BCAS3: variants seen among roughly 807,000 people sequenced by gnomAD.
BCAS3 encodes the protein BCAS3 microtubule associated cell migration factor, also known as BCAS4/BCAS3 fusion.
Under a neutral mutation model 116.1 loss-of-function variants are expected in BCAS3, and 53 were observed. The observed-to-expected ratio is 0.46, with a 90% CI of 0.37 to 0.57. The LOEUF is 0.57. BCAS3 is among the 20% of genes least tolerant of loss of function. The probability of loss-of-function intolerance (pLI) is 0.00; values close to 1 mark genes in which losing one functional copy is unlikely to be tolerated. For missense variants in BCAS3, 917 were observed against 1,165.4 expected, an observed-to-expected ratio of 0.79 and a Z score of 3.10; for synonymous variants, 391 against 408.2, an observed-to-expected ratio of 0.96 and a Z score of 0.51.
intron 23 of BCAS3, among the ~76,000 whole-genome samples, chr17:61,373,179 C>CT (rs1568965642): frequency 6.6e-6 from 1 of 151,626 alleles, no homozygotes; most frequent in Non-Finnish European, 1.5e-5. Context: ...CAACCTCCGT[C>CT]TCTGGGTTCA....
chr17:60,974,019 A>G (rs2062140941), intron 14 of BCAS3, among the ~76,000 whole-genome samples: 1 of 152,186 alleles, frequency 6.6e-6, no homozygotes, highest in Admixed American at 6.5e-5. Context: ...TATTCTAAAA[A>G]TGCATATTTC....
chr17:60,955,029 G>A (rs1340751513), intron 14 of BCAS3, among the ~76,000 whole-genome samples: 2 of 151,528 alleles, frequency 1.3e-5, no homozygotes, highest in East Asian at 1.9e-4. Context: ...CTCATTTTAC[G>A]CCCCATTATA....
intron 19 of BCAS3, among the ~76,000 whole-genome samples, chr17:61,045,823 T>TTCTCTCTCTCTCTCTCTCTCTC (rs1182475386): frequency 0.011 from 395 of 34,606 alleles, 13 homozygotes; most frequent in Non-Finnish European, 0.013. Flanking sequence ...TCATCTCTCT[T>TTCTCTCTCTCTCTCTCTCTCTC]TCTCTCTCTC....
intron 22 of BCAS3, among the ~76,000 whole-genome samples, chr17:61,170,144 G>A (rs995431460): frequency 1.3e-5 from 2 of 151,990 alleles, no homozygotes; most frequent in Non-Finnish European, 2.9e-5. Context: ...GTGAGTCACC[G>A]CGCCCGGCTA....
rs1185735308 is a variant in BCAS3 at position 60,932,641 on chromosome 17, C to T, written c.1087+8141C>T. Among the ~76,000 whole-genome samples the T allele has an allele frequency of 8.2e-5, 12 of 147,084 alleles. No individual in the cohort carries two copies. In the East Asian group the frequency reaches 2.5e-3, roughly 30 times the overall value. On this transcript the variant is annotated intron_variant, in intron 13 of 23. Coordinates refer to ENST00000407086, the MANE Select transcript of BCAS3 (RefSeq NM_017679.5). ...CCTGTAGTCTCAGCTGCTTGGGAGA[C>T]TGAGGCAGAAGAATGGCATGAACTT... is the stretch of plus-strand genomic sequence containing the variant.
intron 22 of BCAS3, among the ~76,000 whole-genome samples, chr17:61,183,187 A>G (rs2079576299): frequency 1.3e-5 from 2 of 152,148 alleles, no homozygotes; most frequent in South Asian, 4.1e-4. Context: ...AAAAATCTAT[A>G]GTTTCTTGCT....
chr17:61,157,795 C>T (rs767563418), intron 22 of BCAS3, among the ~76,000 whole-genome samples: 1 of 152,180 alleles, frequency 6.6e-6, no homozygotes, highest in Non-Finnish European at 1.5e-5. Context: ...ACTGTTTCTC[C>T]TAAACAACTC....
chr17:60,683,201 G>A (rs2033441868), intron 2 of BCAS3, among the ~76,000 whole-genome samples: 2 of 152,144 alleles, frequency 1.3e-5, no homozygotes, highest in South Asian at 4.1e-4. Context: ...ATACAGGTAA[G>A]GGACTAGGTT....
At chr17:61,280,921 C>T (rs569916403) in intron 22 of BCAS3, among the ~76,000 whole-genome samples, 2 of 152,254 alleles carry the variant, frequency 1.3e-5, no homozygotes, top group Middle Eastern at 3.4e-3. Flanking sequence ...GCTGTATTCC[C>T]GCAGTATCTA....
At position 61,122,925 on chromosome 17, in the gene BCAS3, C is replaced by G. The variant is rs1367980685; in HGVS notation, c.2425+38361C>G. 6.6e-6 allele frequency among the ~76,000 whole-genome samples: 1 copy of G among 151,808 alleles called. No individual in the cohort carries two copies. Among genetic ancestry groups the G allele is most frequent in the Non-Finnish European group, 1.5e-5 (1 of 67,946 alleles). Reference sequence around the variant, plus strand: ...CAAGAGATAAAGACTGTGAAAGATTCCACATTATGGGTAAGTCTTTTTTTT... The same window carrying G: ...CAAGAGATAAAGACTGTGAAAGATTGCACATTATGGGTAAGTCTTTTTTTT... On this transcript the variant is annotated intron_variant, in intron 22 of 23. Transcript: ENST00000407086. The surrounding 1 kb of genome is among the most constrained non-coding windows in gnomAD (Gnocchi z 4.6).
intron 5 of BCAS3, among the ~76,000 whole-genome samples, chr17:60,715,929 C>A (rs1394272825): frequency 6.6e-6 from 1 of 151,098 alleles, no homozygotes; most frequent in Non-Finnish European, 1.5e-5. Context: ...GTGGTGTGAT[C>A]TCGGCTCACT....
intron 6 of BCAS3, among the ~76,000 whole-genome samples, chr17:60,769,678 C>G (rs1034964261): frequency 6.6e-6 from 1 of 152,168 alleles, no homozygotes; most frequent in African/African-American, 2.4e-5. Flanking sequence ...TGGGATTTGT[C>G]CTTGGCGTGT....
intron 6 of BCAS3, among the ~76,000 whole-genome samples, chr17:60,752,155 GGTGTGTGTGTGTGTGT>G (rs55713453): frequency 1.4e-5 from 2 of 144,760 alleles, no homozygotes; most frequent in Non-Finnish European, 3.1e-5. Context: ...TTGGCTGAAG[GGTGTGTGTGTGTGTGT>G]GTGTGTGTGT....
At chr17:61,263,048 A>G (rs1158515543) in intron 22 of BCAS3, among the ~76,000 whole-genome samples, 3 of 152,268 alleles carry the variant, frequency 2.0e-5, no homozygotes, top group African/African-American at 7.2e-5. Flanking sequence ...TAGAAATTAA[A>G]TGAAATTCAG....
intron 5 of BCAS3, among the ~76,000 whole-genome samples, chr17:60,723,099 A>G (rs2039425717): frequency 6.6e-6 from 1 of 152,200 alleles, no homozygotes; most frequent in African/African-American, 2.4e-5. Context: ...AAAATTTTAT[A>G]ATGTATATAA....
chr17:60,794,721 T>C (rs1048108422), intron 6 of BCAS3, among the ~76,000 whole-genome samples: 3 of 152,196 alleles, frequency 2.0e-5, no homozygotes, highest in African/African-American at 7.2e-5. Flanking sequence ...TGTAAGTATT[T>C]GGGTTTATTT....
At chr17:61,103,680 TTGTC>T (rs2074469589) in intron 22 of BCAS3, among the ~76,000 whole-genome samples, 1 of 152,172 alleles carries the variant, frequency 6.6e-6, no homozygotes, top group Non-Finnish European at 1.5e-5. Context: ...TACTCTGTCT[TTGTC>T]TTTCATGTTC....
rs2075357631 is a variant in BCAS3, at chr17:61,115,285, C to T, written c.2425+30721C>T. Among the ~76,000 whole-genome samples the T allele has an allele frequency of 1.3e-5, 2 of 152,118 alleles. 1 individual carries two copies. Among genetic ancestry groups the T allele is most frequent in the South Asian group, 4.1e-4 (2 of 4,824 alleles). ...AGCTTCTGCACAGCAAAAGAAACTA[C>T]CATCAGAGTCAACAGGCAACCTACA... On this transcript the variant is annotated intron_variant, in intron 22 of 23. Coordinates refer to ENST00000407086, the MANE Select transcript of BCAS3 (RefSeq NM_017679.5).
At chr17:60,882,184 A>T (rs138529289) in intron 9 of BCAS3, among the ~76,000 whole-genome samples, 1,757 of 152,256 alleles carry the variant, frequency 0.012, 36 homozygotes, top group African/African-American at 0.038. Flanking sequence ...CATTTCTCTG[A>T]TGGCCAATGA....
Sources: allele counts gnomAD v4.1 joint callset (sites outside exome capture counted in the v4.1 genomes callset), GRCh38; gene constraint gnomAD v4.1.1; non-coding constraint Gnocchi (gnomAD v3.1); transcripts MANE v1.5; gene names NCBI Gene and HGNC (gene_info 2026-07-23, HGNC 2026-07-21).